FBXL4: variants seen among roughly 807,000 people sequenced by gnomAD.
FBXL4 encodes the protein F-box and leucine rich repeat protein 4.
Under a neutral mutation model 58.9 loss-of-function variants are expected in FBXL4, and 40 were observed. The ratio of observed to expected loss-of-function variants is 0.68; its 90% CI spans 0.53 to 0.88. The LOEUF (loss-of-function observed/expected upper bound fraction) is 0.88, where lower values mean the gene tolerates loss of function less well. FBXL4 is among the 40% of genes least tolerant of loss of function. The pLI, the probability that FBXL4 is intolerant of heterozygous loss-of-function variation, is 0.00. For missense variants in FBXL4, 676 were observed against 734.4 expected (o/e 0.92, Z 0.92); for synonymous variants, 263 against 265.5 (o/e 0.99, Z 0.09).
At chr6:98,911,744 A>G (rs1016937441) in intron 5 of FBXL4, among the ~76,000 whole-genome samples, 4 of 152,202 alleles carry the variant, frequency 2.6e-5, no homozygotes, top group Non-Finnish European at 4.4e-5. Flanking sequence ...CAGAGCAGAA[A>G]AACTGGAAAC....
chr6:98,873,725 A>G lies in FBXL4; in HGVS notation c.*553T>C, dbSNP rs1475095114. On this transcript the variant is annotated 3_prime_UTR_variant, in exon 10 of 10. Coordinates refer to ENST00000369244, the MANE Select transcript of FBXL4 (RefSeq NM_001278716.2). ...CTCCACCTCCTGTGTCGCTAGGACT[A>G]CAAGTGTGTGCCACCACACCTGGCT... The G allele has an allele frequency of 6.6e-6, 1 of 152,416 alleles. No individual in the cohort carries two copies. The highest frequency in any genetic ancestry group is 6.6e-5 in the Admixed American group (1 of 15,256). The allele number at this position is 152,416 out of a possible 1,614,324, so 9.4% of individuals were successfully genotyped here.
intron 1 of FBXL4, among the ~76,000 whole-genome samples, chr6:98,941,277 T>C (rs1016578917): frequency 2.0e-5 from 3 of 152,096 alleles, no homozygotes; most frequent in African/African-American, 7.2e-5. Context: ...TAGATGAATC[T>C]TAAAATGCAT....
intron 4 of FBXL4, among the ~76,000 whole-genome samples, chr6:98,921,589 A>C (rs963011720): frequency 1.3e-5 from 2 of 152,144 alleles, no homozygotes; most frequent in Admixed American, 6.6e-5. Context: ...GTGCTTAAAA[A>C]AAGAATTAAC....
chr6:98,898,048 G>A (rs894456408), intron 7 of FBXL4, among the ~76,000 whole-genome samples: 18 of 152,076 alleles, frequency 1.2e-4, no homozygotes, highest in African/African-American at 4.1e-4. Flanking sequence ...ATTTCAGAGA[G>A]TGACAAGGAT....
intron 5 of FBXL4, among the ~76,000 whole-genome samples, chr6:98,912,743 C>T (rs572696746): frequency 1.9e-4 from 29 of 152,002 alleles, no homozygotes; most frequent in Non-Finnish European, 3.5e-4. Context: ...TAAAGACCAT[C>T]GAGAATAGGA....
chr6:98,936,447 G>A (rs1773220828), intron 1 of FBXL4, among the ~76,000 whole-genome samples: 1 of 152,140 alleles, frequency 6.6e-6, no homozygotes, highest in African/African-American at 2.4e-5. Flanking sequence ...TGAACTGTGT[G>A]GGTCCACTTA....
rs1303261401 is a variant in FBXL4 at position 98,926,896 on chromosome 6, C to A, written c.93G>T (p.Met31Ile). Reference sequence around the variant, plus strand: ...ATTCTATAGCTCTATGGGTGTTCATCATTTCTCCTCTTGTAGCTGTCCTGG... The same window carrying A: ...ATTCTATAGCTCTATGGGTGTTCATAATTTCTCCTCTTGTAGCTGTCCTGG... Reference protein sequence around the residue: ...RRARTATRGEMMNTHRAIESN... With the variant: ...RRARTATRGEIMNTHRAIESN... Residue 31 changes from methionine (M) to isoleucine (I), a missense_variant, in exon 4 of 10, where the codon ATG (methionine) becomes ATT (isoleucine). Coordinates refer to ENST00000369244, the MANE Select transcript of FBXL4 (RefSeq NM_001278716.2). The A allele has an allele frequency of 7.4e-6, 12 of 1,613,992 alleles. No homozygotes were observed. In the African/African-American group the frequency reaches 1.2e-4, roughly 16 times the overall value.
At chr6:98,936,599 T>C (rs532734496) in intron 1 of FBXL4, among the ~76,000 whole-genome samples, 2 of 152,214 alleles carry the variant, frequency 1.3e-5, no homozygotes, top group Non-Finnish European at 2.9e-5. Context: ...GAGGAGTAAA[T>C]ATATTTTCTT....
At chr6:98,905,870 C>G (rs766663201) in intron 5 of FBXL4, among the ~76,000 whole-genome samples, 200 bp from the exon 6 acceptor site, 32 of 152,252 alleles carry the variant, frequency 2.1e-4, no homozygotes, top group Middle Eastern at 3.4e-3. Flanking sequence ...CAAGATTATT[C>G]AAAGTATACT....
At chr6:98,914,761 G>GAC (rs1772264955) in intron 5 of FBXL4, among the ~76,000 whole-genome samples, 1 of 152,178 alleles carries the variant, frequency 6.6e-6, no homozygotes, top group Non-Finnish European at 1.5e-5. Context: ...ACTGGCACAA[G>GAC]ACAGGAATGC....
intron 8 of FBXL4, among the ~76,000 whole-genome samples, 191 bp from the exon 9 acceptor site, chr6:98,875,918 T>C (rs186684722): frequency 3.3e-3 from 503 of 152,298 alleles, no homozygotes; most frequent in Middle Eastern, 6.8e-3. Flanking sequence ...GGAGTACTCA[T>C]TTATTTAAAA....
At chr6:98,938,064 TA>T (rs1372956268) in intron 1 of FBXL4, among the ~76,000 whole-genome samples, 1 of 124,126 alleles carries the variant, frequency 8.1e-6, no homozygotes, top group Admixed American at 8.2e-5. Flanking sequence ...TTTTTTGCCC[TA>T]TCTACAATCT....
chr6:98,883,062 G>C (rs947765014), intron 7 of FBXL4, among the ~76,000 whole-genome samples: 3 of 151,958 alleles, frequency 2.0e-5, no homozygotes, highest in African/African-American at 7.2e-5. Context: ...CATCAGTACT[G>C]TAAGACTGTT....
chr6:98,892,147 CTT>C (rs1358472503), intron 7 of FBXL4, among the ~76,000 whole-genome samples: 15 of 152,144 alleles, frequency 9.9e-5, no homozygotes, highest in African/African-American at 3.6e-4. Context: ...GATAATTAAA[CTT>C]ATTATCAGCT....
intron 1 of FBXL4, among the ~76,000 whole-genome samples, chr6:98,943,000 G>A (rs963981579): frequency 4.5e-4 from 68 of 152,158 alleles, no homozygotes; most frequent in African/African-American, 1.6e-3. Context: ...TTCTGACTGT[G>A]GTAGTGTTCA....
chr6:98,899,442 T>C lies in FBXL4; in HGVS notation c.1143A>G (p.Glu381=). Residue 381 remains glutamate, a synonymous_variant, in exon 7 of 10, where the codon GAA becomes GAG. Transcript: ENST00000369244. ...CATTAAGAAAGTGGCTGCAAGACAATTCAAGGCGTACTAATTCGGATCCAC... is the reference window on the plus strand; with the variant it reads ...CATTAAGAAAGTGGCTGCAAGACAACTCAAGGCGTACTAATTCGGATCCAC... ...KVCGSELVRL[E]LSCSHFLNET... is the part of the protein sequence containing the mutation. 2 of 1,613,894 alleles carry C rather than the reference T, an allele frequency of 1.2e-6. No individual in the cohort carries two copies. The highest frequency in any genetic ancestry group is 1.7e-6 in the Non-Finnish European group (2 of 1,179,890).
chr6:98,913,018 G>A (rs1470797172), intron 5 of FBXL4, among the ~76,000 whole-genome samples: 3 of 151,840 alleles, frequency 2.0e-5, no homozygotes, highest in Non-Finnish European at 4.4e-5. Context: ...AAAGGCAGGG[G>A]TTGCAATCCT....
At chr6:98,945,388 G>C (rs1418686404) in intron 1 of FBXL4, among the ~76,000 whole-genome samples, 1 of 152,170 alleles carries the variant, frequency 6.6e-6, no homozygotes, top group Non-Finnish European at 1.5e-5. Flanking sequence ...GGAAGCTATA[G>C]AAAATTATAG....
chr6:98,905,721 T>C, intron 5 of FBXL4, 51 bp from the exon 6 acceptor site: 1 of 1,570,494 alleles, frequency 6.4e-7, no homozygotes, highest in Non-Finnish European at 8.7e-7. Flanking sequence ...GCAGTATCAT[T>C]CTATGAAACA....
Sources: allele counts gnomAD v4.1 joint callset (sites outside exome capture counted in the v4.1 genomes callset), GRCh38; gene constraint gnomAD v4.1.1; transcripts MANE v1.5; gene names NCBI Gene and HGNC (gene_info 2026-07-23, HGNC 2026-07-21).